Variants in PRR16 observed in about 807,000 individuals in gnomAD.
PRR16 encodes protein Largen.
PRR16 carries 6 observed loss-of-function variants against 18.2 expected under a neutral mutation model. That is an observed-to-expected ratio of 0.33 (90% CI 0.18 to 0.65). PRR16 has a LOEUF of 0.65. Ranked by LOEUF, PRR16 falls within the 30% of genes least tolerant of loss-of-function variation. PRR16 has a pLI of 0.74. For synonymous variants in PRR16, 151 were observed against 147.8 expected (o/e 1.02, Z -0.16); for missense variants, 412 against 376.6 (o/e 1.09, Z -0.78).
chr5:120,492,913 G>A (rs139338760), intron 1 of PRR16, among the ~76,000 whole-genome samples: 239 of 152,306 alleles, frequency 1.6e-3, no homozygotes, highest in Middle Eastern at 6.8e-3. Context: ...TGGCTTAGTA[G>A]TAGTCCATGG....
the PRR16 span, among the ~76,000 whole-genome samples, chr5:120,753,340 T>TGCATG: frequency 7.2e-5 from 11 of 152,144 alleles, no homozygotes; most frequent in African/African-American, 2.4e-4. Flanking sequence ...AAACGTCTTT[T>TGCATG]GCATGCTGCA....
At chr5:120,603,478 A>G (rs1288082230) in intron 1 of PRR16, among the ~76,000 whole-genome samples, 1 of 151,972 alleles carries the variant, frequency 6.6e-6, no homozygotes, top group Non-Finnish European at 1.5e-5. Flanking sequence ...CTAGCAGTCT[A>G]TCAATCTTGC....
the PRR16 span, among the ~76,000 whole-genome samples, chr5:120,785,286 A>C: frequency 3.9e-5 from 6 of 152,282 alleles, no homozygotes; most frequent in East Asian, 1.2e-3. Context: ...TATGAGAGTT[A>C]TCCTGGCTGA....
intron 1 of PRR16, among the ~76,000 whole-genome samples, chr5:120,672,401 G>A (rs999799021): frequency 3.4e-4 from 51 of 151,854 alleles, no homozygotes; most frequent in African/African-American, 1.1e-3. Flanking sequence ...AGTGAGGATG[G>A]GTGGCACAGG....
chr5:120,562,472 A>T (rs1580727520), intron 1 of PRR16, among the ~76,000 whole-genome samples: 1 of 152,096 alleles, frequency 6.6e-6, no homozygotes, highest in African/African-American at 2.4e-5. Context: ...GTCCATTTAC[A>T]TTCAATGTTA....
chr5:120,582,736 T>G (rs1282034682), intron 1 of PRR16, among the ~76,000 whole-genome samples: 1 of 152,114 alleles, frequency 6.6e-6, no homozygotes, highest in African/African-American at 2.4e-5. Flanking sequence ...AAGTTCAGAG[T>G]GGTTATTTTC....
the PRR16 span, among the ~76,000 whole-genome samples, chr5:120,725,356 C>T: frequency 6.7e-6 from 1 of 149,870 alleles, no homozygotes; most frequent in African/African-American, 2.5e-5. Context: ...TGACACACAG[C>T]GCATCTTCAG....
chr5:120,531,634 T>A (rs1371026807), intron 1 of PRR16: 1 of 152,150 alleles, frequency 6.6e-6, no homozygotes, highest in African/African-American at 2.4e-5. Context: ...CCTGTTTGTA[T>A]CTTCATTTAT....
At chr5:120,548,155 TAGA>T (rs1200932366) in intron 1 of PRR16, among the ~76,000 whole-genome samples, 1 of 152,056 alleles carries the variant, frequency 6.6e-6, no homozygotes, top group Admixed American at 6.6e-5. Flanking sequence ...TCAAATACTG[TAGA>T]TAGATCAGAC....
At chr5:120,728,698 G>A in the PRR16 span, among the ~76,000 whole-genome samples, 7 of 152,236 alleles carry the variant, frequency 4.6e-5, no homozygotes, top group South Asian at 2.1e-4. Flanking sequence ...GCTGGATGGC[G>A]TGCTTTTCTG....
At chr5:120,685,851 G>A in intron 1 of PRR16, 103 bp from the exon 2 acceptor site, 1 of 1,206,342 alleles carries the variant, frequency 8.3e-7, no homozygotes, top group Non-Finnish European at 1.2e-6. Context: ...TTCAATATCA[G>A]TTAAGGCTTC....
the PRR16 span, among the ~76,000 whole-genome samples, chr5:120,779,672 A>C: frequency 6.6e-6 from 1 of 150,880 alleles, no homozygotes; most frequent in Non-Finnish European, 1.5e-5. Context: ...ACCCCAAAAT[A>C]ATTAAATATT....
chr5:120,714,134 C>T, the PRR16 span, among the ~76,000 whole-genome samples: 1 of 151,578 alleles, frequency 6.6e-6, no homozygotes, highest in Non-Finnish European at 1.5e-5. Context: ...TATTAAATCA[C>T]AATATTAAGT....
At chr5:120,713,476 T>C in the PRR16 span, among the ~76,000 whole-genome samples, 1 of 152,218 alleles carries the variant, frequency 6.6e-6, no homozygotes, top group Non-Finnish European at 1.5e-5. Context: ...TTTCTTGATC[T>C]TTATAGTTCT....
intron 1 of PRR16, among the ~76,000 whole-genome samples, chr5:120,528,368 C>T (rs916492904): frequency 5.3e-5 from 8 of 152,086 alleles, no homozygotes; most frequent in African/African-American, 1.7e-4. Flanking sequence ...CATTTCAGTA[C>T]AATGAATGGT....
chr5:120,785,821 G>A, the PRR16 span, among the ~76,000 whole-genome samples: 2 of 151,164 alleles, frequency 1.3e-5, no homozygotes, highest in Non-Finnish European at 1.5e-5. Context: ...CGTCCGCCTC[G>A]GACTCCCAAA....
chr5:120,491,146 A>G (rs1227861110), intron 1 of PRR16, among the ~76,000 whole-genome samples: 1 of 152,138 alleles, frequency 6.6e-6, no homozygotes. Flanking sequence ...ATCTCCAGCT[A>G]TGTTCTGGGA....
chr5:120,666,670 G>C (rs761751419), intron 1 of PRR16, among the ~76,000 whole-genome samples: 7,920 of 146,430 alleles, frequency 0.054, 537 homozygotes, highest in African/African-American at 0.16. Context: ...TAGCATGAAG[G>C]GTTGTTGAAT....
chr5:120,598,415 G>A (rs1167694160), intron 1 of PRR16, among the ~76,000 whole-genome samples: 2 of 151,738 alleles, frequency 1.3e-5, no homozygotes, highest in Non-Finnish European at 2.9e-5. Context: ...ATGTGAATGT[G>A]TACTTTTTTT....
Sources: gnomAD v4.1 joint callset for allele counts (sites outside exome capture counted in the v4.1 genomes callset) on GRCh38, gnomAD v4.1.1 for gene constraint, MANE v1.5 for transcripts, NCBI Gene and HGNC (gene_info 2026-07-23, HGNC 2026-07-21) for gene names.